The following SH3RF3 variants were observed in gnomAD, a reference collection of about 807,000 sequenced individuals.
SH3RF3 encodes the protein SH3 domain containing ring finger 3, also known as E3 ubiquitin-protein ligase SH3RF3.
SH3RF3 carries 29 observed loss-of-function variants against 66.3 expected under a neutral mutation model. That is an observed-to-expected ratio of 0.44 (90% CI 0.33 to 0.60). SH3RF3 has a LOEUF of 0.60. Ranked by LOEUF, SH3RF3 falls within the 20% of genes least tolerant of loss-of-function variation. The probability of loss-of-function intolerance (pLI) is 0.04; values close to 1 mark genes in which losing one functional copy is unlikely to be tolerated. For missense variants in SH3RF3, 1,194 were observed against 1,190.9 expected, an observed-to-expected ratio of 1.00 and a Z score of -0.04; for synonymous variants, 583 against 532.0, an observed-to-expected ratio of 1.10 and a Z score of -1.32.
chr2:109,249,374 C>A (rs1199391163), intron 1 of SH3RF3, among the ~76,000 whole-genome samples: 1 of 152,172 alleles, frequency 6.6e-6, no homozygotes, highest in African/African-American at 2.4e-5. Flanking sequence ...ATTGCCATGA[C>A]TACATGAGGA....
At chr2:109,289,992 C>T (rs558456557) in intron 1 of SH3RF3, among the ~76,000 whole-genome samples, 1 of 152,154 alleles carries the variant, frequency 6.6e-6, no homozygotes, top group Admixed American at 6.5e-5. Context: ...GCAAACAGAC[C>T]ACTGGGGGGA....
In SH3RF3 at chr2:109,497,223, T is replaced by C. The variant is rs535426525; in HGVS notation, c.2481-4280T>C. On this transcript the variant is annotated intron_variant, in intron 9 of 9. Transcript: ENST00000309415. ...GTTTAGTGTCCAGGGTATAGAAGTATTCTTATCCCCAAGTTCCTAGCAGAC... is the reference window on the plus strand; with the variant it reads ...GTTTAGTGTCCAGGGTATAGAAGTACTCTTATCCCCAAGTTCCTAGCAGAC... Among the ~76,000 whole-genome samples, 8 of 152,338 alleles carry C rather than the reference T, an allele frequency of 5.3e-5. No homozygotes were observed. In the East Asian group the frequency reaches 1.5e-3, roughly 29 times the overall value.
intron 1 of SH3RF3, among the ~76,000 whole-genome samples, chr2:109,303,133 C>T (rs1199964967): frequency 6.6e-6 from 1 of 152,214 alleles, no homozygotes; most frequent in Non-Finnish European, 1.5e-5. Flanking sequence ...GCCTCAGCCT[C>T]ACAAGGTGCT....
intron 1 of SH3RF3, among the ~76,000 whole-genome samples, chr2:109,340,371 C>T (rs1682532582): frequency 6.6e-6 from 1 of 152,208 alleles, no homozygotes; most frequent in Non-Finnish European, 1.5e-5. Flanking sequence ...GGGGCAAGGT[C>T]TGGATGAGAG....
intron 1 of SH3RF3, among the ~76,000 whole-genome samples, chr2:109,256,999 C>G (rs1680236590): frequency 6.6e-6 from 1 of 152,218 alleles, no homozygotes; most frequent in Non-Finnish European, 1.5e-5. Context: ...CTCAGACAGC[C>G]TGTGACCAGG....
intron 9 of SH3RF3, among the ~76,000 whole-genome samples, chr2:109,491,434 G>A (rs36179922): frequency 0.037 from 5,689 of 152,250 alleles, 361 homozygotes; most frequent in African/African-American, 0.13. Context: ...GGCTTCAAGG[G>A]TATATAGTCC....
rs774793876 is a variant in SH3RF3, at chr2:109,449,763, T to C, written c.2148+274T>C. On this transcript the variant is annotated intron_variant, in intron 8 of 9. Coordinates refer to ENST00000309415, the MANE Select transcript of SH3RF3 (RefSeq NM_001099289.3). ...AGAAAAAGGTGTCCCCTCTTGAAAA[T>C]GCCTTAGTTCCATCTGTTGTAAAAT... Among the ~76,000 whole-genome samples, 29 of 152,364 alleles carry C rather than the reference T, an allele frequency of 1.9e-4. 1 individual carries two copies. The Middle Eastern group carries it at 0.014, about 71-fold the overall frequency.
intron 1 of SH3RF3, among the ~76,000 whole-genome samples, chr2:109,233,361 T>G (rs1478251863): frequency 1.3e-5 from 2 of 151,910 alleles, no homozygotes; most frequent in African/African-American, 4.8e-5. Flanking sequence ...TCCCCTGGAG[T>G]TTGGCTGTCC....
chr2:109,140,306 G>A (rs1191326818), intron 1 of SH3RF3, among the ~76,000 whole-genome samples: 1 of 152,050 alleles, frequency 6.6e-6, no homozygotes, highest in Non-Finnish European at 1.5e-5. Context: ...CCGGTTCTTT[G>A]TGAATCATAA....
At chr2:109,381,067 G>A (rs988288615) in intron 3 of SH3RF3, among the ~76,000 whole-genome samples, 4 of 152,212 alleles carry the variant, frequency 2.6e-5, no homozygotes, top group Non-Finnish European at 5.9e-5. Flanking sequence ...CTTCCTCCAC[G>A]GGTCTACCAA....
chr2:109,210,787 A>G (rs1678957035), intron 1 of SH3RF3, among the ~76,000 whole-genome samples: 2 of 152,240 alleles, frequency 1.3e-5, no homozygotes, highest in South Asian at 4.1e-4. Context: ...TCTGGCAAGC[A>G]CGACCTATTT....
At position 109,436,938 on chromosome 2, in the gene SH3RF3, A is replaced by AG. The variant is rs774520849; in HGVS notation, c.1623dup (p.Ser542ValfsTer174). On this transcript the variant is annotated frameshift_variant, in exon 7 of 10. Coordinates refer to ENST00000309415, the MANE Select transcript of SH3RF3 (RefSeq NM_001099289.3). LOFTEE classifies it high-confidence loss of function. The stretch of plus-strand genomic sequence containing the variant: ...GGCCGCCCCGGAATAATGTAGTCGG[A>AG]GGGTCTCCACTGGCCAAAGGGATAA... 8 of 1,613,610 alleles carry AG rather than the reference A, an allele frequency of 5.0e-6. No homozygotes were observed. Among genetic ancestry groups the AG allele is most frequent in the Non-Finnish European group, 6.8e-6 (8 of 1,179,894 alleles).
intron 7 of SH3RF3, among the ~76,000 whole-genome samples, chr2:109,441,717 G>A (rs999675231): frequency 6.6e-6 from 1 of 152,054 alleles, no homozygotes; most frequent in Non-Finnish European, 1.5e-5. Flanking sequence ...CCAAGCACAA[G>A]AAACATGAAG....
intron 1 of SH3RF3, among the ~76,000 whole-genome samples, chr2:109,296,312 C>T (rs891884602): frequency 4.6e-5 from 7 of 152,234 alleles, no homozygotes; most frequent in African/African-American, 1.7e-4. Context: ...ACTGCAACCC[C>T]TGCCTCCCAG....
intron 1 of SH3RF3, among the ~76,000 whole-genome samples, chr2:109,218,401 C>G (rs373375304): frequency 6.6e-6 from 1 of 152,122 alleles, no homozygotes; most frequent in Non-Finnish European, 1.5e-5. Flanking sequence ...GTTCTAGAAA[C>G]AGTCTTTGAG....
intron 1 of SH3RF3, among the ~76,000 whole-genome samples, chr2:109,188,510 G>A (rs567125353): frequency 6.6e-6 from 1 of 152,204 alleles, no homozygotes; most frequent in Non-Finnish European, 1.5e-5. Context: ...CTCTTGGTCT[G>A]GATGAAAGAG....
At chr2:109,470,759 C>G (rs1678482257) in intron 8 of SH3RF3, among the ~76,000 whole-genome samples, 1 of 152,246 alleles carries the variant, frequency 6.6e-6, no homozygotes, top group Admixed American at 6.5e-5. Context: ...GGCTCAGCCA[C>G]CCCTGTTCCA....
intron 9 of SH3RF3, among the ~76,000 whole-genome samples, chr2:109,496,473 C>T (rs1477447746): frequency 6.6e-6 from 1 of 152,226 alleles, no homozygotes; most frequent in Non-Finnish European, 1.5e-5. Context: ...CTGGCTTCAC[C>T]TTTCACTATG....
chr2:109,315,989 G>A (rs778677251), intron 1 of SH3RF3, among the ~76,000 whole-genome samples: 14 of 152,198 alleles, frequency 9.2e-5, no homozygotes, highest in Non-Finnish European at 1.6e-4. Flanking sequence ...CTGACTGTGT[G>A]AGATTATATG....
Sources: allele counts gnomAD v4.1 joint callset (sites outside exome capture counted in the v4.1 genomes callset), GRCh38; gene constraint gnomAD v4.1.1; transcripts MANE v1.5; gene names NCBI Gene and HGNC (gene_info 2026-07-23, HGNC 2026-07-21).